PIP5K1A: variants seen among roughly 807,000 people sequenced by gnomAD.
The protein encoded by PIP5K1A is phosphatidylinositol 4-phosphate 5-kinase type-1 alpha.
A neutral mutation model predicts 72.9 loss-of-function variants in PIP5K1A; 46 were observed. The ratio of observed to expected loss-of-function variants is 0.63; its 90% CI spans 0.50 to 0.81. The LOEUF is 0.81. Among genes scored for constraint, PIP5K1A ranks in the 30% least tolerant of loss-of-function variants. The probability of loss-of-function intolerance (pLI) is 0.00; values close to 1 mark genes in which losing one functional copy is unlikely to be tolerated. For synonymous variants in PIP5K1A, 228 were observed against 255.1 expected, an observed-to-expected ratio of 0.89 and a Z score of 1.01; for missense variants, 458 against 706.1, an observed-to-expected ratio of 0.65 and a Z score of 3.98.
rs1469010488 is a variant in PIP5K1A, at chr1:151,249,327, T to G, written c.*1462T>G. 6.6e-6 allele frequency: 1 copy of G among 152,154 alleles called. No homozygotes were observed. Among genetic ancestry groups the G allele is most frequent in the Non-Finnish European group, 1.5e-5 (1 of 68,028 alleles). 9.4% of individuals were successfully genotyped at this position (152,154 alleles called of 1,614,324 possible). On this transcript the variant is annotated 3_prime_UTR_variant, in exon 16 of 16. Transcript: ENST00000368888. ...TTCATAATTTACTATTTATGATGTA[T>G]TTAAGTGTTTTATTAAGGACAGAGT...
Position 151,238,274 on chromosome 1 carries a change from C to G in PIP5K1A, c.1229+9C>G, listed in dbSNP as rs775484402. 1 of 1,537,114 alleles carries G rather than the reference C, an allele frequency of 6.5e-7. No individual in the cohort carries two copies. ...ATTCTACAGTCTTACAGGTGAGGAG[C>G]ATATGGATCCCAAATTAAGAGAGGG... is the stretch of plus-strand genomic sequence containing the variant. On this transcript the variant is annotated intron_variant, in intron 10 of 15. Coordinates refer to ENST00000368888, the MANE Select transcript of PIP5K1A (RefSeq NM_001135638.2).
chr1:151,245,953 T>C lies in PIP5K1A; in HGVS notation c.1641-967T>C, dbSNP rs186636108. ...CAAACTTAGCTGTTGAAAACAAACATTTGTTATCTCAGTCTGGGTGTGGTG... is the reference window on the plus strand; with the variant it reads ...CAAACTTAGCTGTTGAAAACAAACACTTGTTATCTCAGTCTGGGTGTGGTG... On this transcript the variant is annotated intron_variant, in intron 14 of 15. Coordinates refer to ENST00000368888, the MANE Select transcript of PIP5K1A (RefSeq NM_001135638.2). Among the ~76,000 whole-genome samples, 4 of 152,288 alleles carry C rather than the reference T, an allele frequency of 2.6e-5. No individual in the cohort carries two copies. The East Asian group carries it at 5.8e-4, about 22-fold the overall frequency.
chr1:151,198,179 TAAG>T (rs1174794758), upstream of PIP5K1A: 10 of 459,008 alleles, frequency 2.2e-5, no homozygotes, highest in Non-Finnish European at 3.6e-5. Context: ...GGAAAAAGAC[TAAG>T]AAGAGTTCTT....
At chr1:151,241,166 A>G (rs1691629264) in intron 12 of PIP5K1A, among the ~76,000 whole-genome samples, 1 of 151,908 alleles carries the variant, frequency 6.6e-6, no homozygotes. Flanking sequence ...CTTCATCTCA[A>G]AAAAAGTTAT....
chr1:151,208,469 C>G (rs1208065936), intron 1 of PIP5K1A, among the ~76,000 whole-genome samples: 1 of 151,090 alleles, frequency 6.6e-6, no homozygotes, highest in Non-Finnish European at 1.5e-5. Context: ...CAAGCGATTC[C>G]CCTGCCTCAG....
intron 15 of PIP5K1A, 140 bp from the exon 16 acceptor site, chr1:151,247,723 C>T (rs772506577): frequency 8.8e-6 from 6 of 680,036 alleles, no homozygotes; most frequent in East Asian, 2.9e-5. Flanking sequence ...CATGCGCGGC[C>T]GCCATCTTGT....
In PIP5K1A at chr1:151,231,653, A is replaced by G. The variant is rs1269570115; in HGVS notation, c.238-18A>G. The G allele has an allele frequency of 6.2e-7, 1 of 1,612,572 alleles. No individual in the cohort carries two copies. Among genetic ancestry groups the G allele is most frequent in the Non-Finnish European group, 8.5e-7 (1 of 1,178,864 alleles). On this transcript the variant is annotated intron_variant, in intron 4 of 15. Coordinates refer to ENST00000368888, the MANE Select transcript of PIP5K1A (RefSeq NM_001135638.2). Reference sequence around the variant, plus strand: ...TACTTATACTAGGAATTTTCTTCTCATTTCTCTTGTTTCTCAGACAACCTC... The same window carrying G: ...TACTTATACTAGGAATTTTCTTCTCGTTTCTCTTGTTTCTCAGACAACCTC...
At chr1:151,211,094 G>A (rs189047988) in intron 1 of PIP5K1A, among the ~76,000 whole-genome samples, 1 of 152,304 alleles carries the variant, frequency 6.6e-6, no homozygotes, top group Admixed American at 6.5e-5. Context: ...TGATGTCATT[G>A]CATCTCTGAC....
intron 1 of PIP5K1A, among the ~76,000 whole-genome samples, chr1:151,215,434 G>C (rs1461103299): frequency 6.6e-6 from 1 of 151,526 alleles, no homozygotes; most frequent in East Asian, 1.9e-4. Flanking sequence ...GGGTTCAAGC[G>C]ATTCTCCTGC....
upstream of PIP5K1A, chr1:151,197,892 G>GT (rs957221264): frequency 8.6e-6 from 3 of 350,798 alleles, no homozygotes; most frequent in African/African-American, 6.5e-5. Flanking sequence ...ATTTTTCTGT[G>GT]TATCTCCATG....
rs12065634 is a variant in PIP5K1A, at chr1:151,247,798, G to A, written c.1687-65G>A. On this transcript the variant is annotated intron_variant, in intron 15 of 15. Transcript: ENST00000368888. The stretch of plus-strand genomic sequence containing the variant: ...GAGGCTGAAATAGAAATTTCTTAAC[G>A]CTTGAATTCCATTTCTGCTTAATCT... 2.2e-5 allele frequency: 30 copies of A among 1,350,932 alleles called. No individual in the cohort carries two copies. In the South Asian group the frequency reaches 2.3e-4, roughly 10 times the overall value. 83.7% of individuals were successfully genotyped at this position (1,350,932 alleles called of 1,614,324 possible).
At chr1:151,199,973 AC>A (rs1189087174) in intron 1 of PIP5K1A, among the ~76,000 whole-genome samples, 1 of 152,036 alleles carries the variant, frequency 6.6e-6, no homozygotes, top group African/African-American at 2.4e-5. Flanking sequence ...AGACACACAT[AC>A]ATACTTTCTC....
chr1:151,201,786 C>T (rs1051986230), intron 1 of PIP5K1A, among the ~76,000 whole-genome samples: 12 of 151,744 alleles, frequency 7.9e-5, no homozygotes, highest in Non-Finnish European at 1.6e-4. Context: ...TGCTTGAACC[C>T]GGGAGGCAGA....
chr1:151,243,564 C>T (rs1471962445), intron 14 of PIP5K1A, among the ~76,000 whole-genome samples: 1 of 152,194 alleles, frequency 6.6e-6, no homozygotes, highest in Non-Finnish European at 1.5e-5. Flanking sequence ...TTTCTTTTAT[C>T]AGGCCTCAAA....
chr1:151,199,092 C>T lies in PIP5K1A; in HGVS notation c.85+11C>T, dbSNP rs1276223714. On this transcript the variant is annotated intron_variant, in intron 1 of 15. Coordinates refer to ENST00000368888, the MANE Select transcript of PIP5K1A (RefSeq NM_001135638.2). ...GTACCTTGTCCTCAGGTAAGCCCGG[C>T]AGGGCGTGGGTAGGGAGCTGGTGAG... The T allele has an allele frequency of 6.8e-6, 11 of 1,613,942 alleles. No homozygotes were observed. Among genetic ancestry groups the T allele is most frequent in the Admixed American group, 1.7e-5 (1 of 60,012 alleles).
In PIP5K1A at chr1:151,230,580, T is replaced by A. The variant is rs184393826; in HGVS notation, c.238-1091T>A. Among the ~76,000 whole-genome samples, 671 of 152,278 alleles carry A rather than the reference T, an allele frequency of 4.4e-3. 6 individuals are homozygous for A. Among genetic ancestry groups the A allele is most frequent in the Middle Eastern group, 0.014 (4 of 294 alleles). On this transcript the variant is annotated intron_variant, in intron 4 of 15. Coordinates refer to ENST00000368888, the MANE Select transcript of PIP5K1A (RefSeq NM_001135638.2). ...TTTTTTTGAGACAGTCTGGCTGTGT[T>A]ACCCAGGCTGGAATGCAGTGGTGTG... is the stretch of plus-strand genomic sequence containing the variant.
chr1:151,232,284 T>G lies in PIP5K1A; in HGVS notation c.405T>G (p.Asn135Lys), dbSNP rs1328057988. The G allele has an allele frequency of 3.1e-6, 5 of 1,614,098 alleles. No homozygotes were observed. The South Asian group carries it at 5.5e-5, about 18-fold the overall frequency. Reference protein sequence around the residue: ...GSNLTPAHHYNDFRFKTYAPV... With the variant: ...GSNLTPAHHYKDFRFKTYAPV... The stretch of plus-strand genomic sequence containing the variant: ...ACCTGACCCCTGCTCATCACTACAA[T>G]GACTTTCGTTTCAAGACCTATGCAC... The change falls in exon 6 of 16, where the codon AAT becomes AAG. Residue 135 changes from asparagine (N) to lysine (K), a missense_variant. Coordinates refer to ENST00000368888, the MANE Select transcript of PIP5K1A (RefSeq NM_001135638.2).
chr1:151,205,863 C>T (rs183388197), intron 1 of PIP5K1A, among the ~76,000 whole-genome samples: 6 of 152,178 alleles, frequency 3.9e-5, no homozygotes, highest in African/African-American at 1.4e-4. Flanking sequence ...TACTGGGTTT[C>T]CTTGATCAAG....
In PIP5K1A at chr1:151,242,106, CTCTT is replaced by C. The variant is rs1558300533; in HGVS notation, c.1364-14_1364-11del. ...CTAAGGTAGTTGCTAAGTAGGCTCT[CTCTT>C]TCCCTTTTGAAGTGAAGCCTTCTCC... On this transcript the variant is annotated splice_polypyrimidine_tract_variant and intron_variant, in intron 12 of 15. Coordinates refer to ENST00000368888, the MANE Select transcript of PIP5K1A (RefSeq NM_001135638.2). 6.2e-7 allele frequency: 1 copy of C among 1,613,990 alleles called. No individual in the cohort carries two copies. Among genetic ancestry groups the C allele is most frequent in the Admixed American group, 1.7e-5 (1 of 60,006 alleles).
Sources: allele counts gnomAD v4.1 joint callset (sites outside exome capture counted in the v4.1 genomes callset), GRCh38; gene constraint gnomAD v4.1.1; transcripts MANE v1.5; gene names NCBI Gene and HGNC (gene_info 2026-07-23, HGNC 2026-07-21).